The following STK17A variants were observed in gnomAD, a reference collection of about 807,000 sequenced individuals.
STK17A encodes serine/threonine kinase 17a.
Under a neutral mutation model 43.7 loss-of-function variants are expected in STK17A, and 26 were observed. The observed-to-expected ratio is 0.60, with a 90% CI of 0.44 to 0.83. The LOEUF is 0.83. STK17A is among the 40% of genes least tolerant of loss of function. The pLI, the probability that STK17A is intolerant of heterozygous loss-of-function variation, is 0.00. For synonymous variants in STK17A, 191 were observed against 182.5 expected (o/e 1.05, Z -0.38); for missense variants, 476 against 511.6 (o/e 0.93, Z 0.67).
At chr7:43,623,284 A>G (rs2084111561) in intron 4 of STK17A, 1 of 331,492 alleles carries the variant, frequency 3.0e-6, no homozygotes, top group Non-Finnish European at 5.5e-6. Flanking sequence ...ACAATGCTTA[A>G]TAACACAGAG....
intron 3 of STK17A, among the ~76,000 whole-genome samples, chr7:43,614,512 C>T (rs1337638104): frequency 6.6e-6 from 1 of 152,148 alleles, no homozygotes; most frequent in Non-Finnish European, 1.5e-5. Flanking sequence ...ATATATTTCA[C>T]CATCGAAGAA....
At chr7:43,622,423 A>C (rs2153017293) in intron 4 of STK17A, 1 of 152,308 alleles carries the variant, frequency 6.6e-6, no homozygotes, top group South Asian at 2.1e-4. Flanking sequence ...TTTTCATAGA[A>C]ATAGAACATT....
chr7:43,624,927 C>G lies in STK17A; in HGVS notation c.*85C>G. On this transcript the variant is annotated 3_prime_UTR_variant, in exon 7 of 7. Transcript: ENST00000319357. ...GACCTCTGGCCAAATGGTACATGTA[C>G]TGGAAGTGGATAACCAGTATCACTT... The G allele has an allele frequency of 8.3e-7, 1 of 1,206,270 alleles. No individual in the cohort carries two copies. 74.7% of individuals were successfully genotyped at this position (1,206,270 alleles called of 1,614,324 possible).
At chr7:43,599,350 A>T (rs1317643985) in intron 2 of STK17A, among the ~76,000 whole-genome samples, 1 of 152,194 alleles carries the variant, frequency 6.6e-6, no homozygotes, top group African/African-American at 2.4e-5. Flanking sequence ...CTGCACTTGT[A>T]TTTGGACAGT....
chr7:43,605,015 A>G (rs935723063), intron 2 of STK17A, among the ~76,000 whole-genome samples: 1 of 152,166 alleles, frequency 6.6e-6, no homozygotes, highest in Non-Finnish European at 1.5e-5. Context: ...TTTTTCACCT[A>G]TGAAAGTTCC....
At position 43,601,430 on chromosome 7, in the gene STK17A, C is replaced by T. The variant is rs190066714; in HGVS notation, c.419+5317C>T. 2.1e-3 allele frequency among the ~76,000 whole-genome samples: 317 copies of T among 152,202 alleles called. 1 individual carries two copies. The highest frequency in any genetic ancestry group is 6.5e-3 in the Admixed American group (99 of 15,278). ...AGTTTAGGAATCTCATATGGGAGCC[C>T]GCTGCTTACCAAGGATTTGTTTTTT... On this transcript the variant is annotated intron_variant, in intron 2 of 6. Coordinates refer to ENST00000319357, the MANE Select transcript of STK17A (RefSeq NM_004760.3).
At chr7:43,619,519 AAT>A (rs2083655889) in intron 3 of STK17A, 76 bp from the exon 4 acceptor site, 1 of 1,519,816 alleles carries the variant, frequency 6.6e-7, no homozygotes, top group Non-Finnish European at 8.9e-7. Context: ...TCATAGGTGA[AAT>A]ATGTTTTATG....
At chr7:43,594,004 A>C (rs1469246265) in intron 1 of STK17A, among the ~76,000 whole-genome samples, 1 of 152,226 alleles carries the variant, frequency 6.6e-6, no homozygotes, top group Non-Finnish European at 1.5e-5. Context: ...AGGAGCAACA[A>C]AAATAATAAT....
rs753056472 is a variant in STK17A, at chr7:43,624,774, G to C, written c.1177G>C (p.Ala393Pro). 3 of 1,612,738 alleles carry C rather than the reference G, an allele frequency of 1.9e-6. No homozygotes were observed. Among genetic ancestry groups the C allele is most frequent in the Non-Finnish European group, 2.5e-6 (3 of 1,179,224 alleles). ...QSEKEKMEQK[A>P]ISKRFKFEEP... Reference sequence around the variant, plus strand: ...TGAAAAAGAGAAAATGGAGCAAAAGGCCATTTCCAAACGATTTAAATTTGA... The same window carrying C: ...TGAAAAAGAGAAAATGGAGCAAAAGCCCATTTCCAAACGATTTAAATTTGA... The change falls in exon 7 of 7, where the codon GCC becomes CCC. Residue 393 changes from alanine to proline, a missense_variant. Physicochemically the swap from Ala to Pro is conservative, Grantham distance 27. Coordinates refer to ENST00000319357, the MANE Select transcript of STK17A (RefSeq NM_004760.3).
At chr7:43,598,786 C>T (rs923100593) in intron 2 of STK17A, among the ~76,000 whole-genome samples, 13 of 150,200 alleles carry the variant, frequency 8.7e-5, no homozygotes, top group Non-Finnish European at 1.8e-4. Context: ...TTTTTTGAGA[C>T]GGAGTCTTCC....
Position 43,623,308 on chromosome 7 carries a change from G to A in STK17A, c.692-264G>A, listed in dbSNP as rs28560173. ...AATAACACAGAGATTGTCAGTTTAT[G>A]TTTGGTGTTTTTAAAATATTTAAAT... is the stretch of plus-strand genomic sequence containing the variant. On this transcript the variant is annotated intron_variant, in intron 4 of 6. Coordinates refer to ENST00000319357, the MANE Select transcript of STK17A (RefSeq NM_004760.3). 8.5e-3 allele frequency: 3,253 copies of A among 381,366 alleles called. 106 individuals are homozygous for A. Among genetic ancestry groups the A allele is most frequent in the African/African-American group, 0.064 (2,996 of 46,762 alleles). The allele number at this position is 381,366 out of a possible 1,614,324, so 23.6% of individuals were successfully genotyped here. A position where few individuals can be genotyped will look rare whatever the true frequency, so the allele number is the denominator to read the frequency against.
rs995261586 is a variant in STK17A, at chr7:43,586,139, AC to A, written c.206+2693del. ...CACGCTGATAAAGAACTTGGAGAAT[AC>A]CCGTGTTAATAGTTTAATGATGTGG... On this transcript the variant is annotated intron_variant, in intron 1 of 6. Transcript: ENST00000319357. 2.0e-5 allele frequency among the ~76,000 whole-genome samples: 3 copies of A among 151,562 alleles called. 1 individual carries two copies. The highest frequency in any genetic ancestry group is 4.4e-5 in the Non-Finnish European group (3 of 67,642).
intron 2 of STK17A, among the ~76,000 whole-genome samples, chr7:43,597,487 T>G (rs1330409966): frequency 1.3e-5 from 2 of 152,104 alleles, no homozygotes; most frequent in African/African-American, 2.4e-5. Context: ...GTTCAAGCGA[T>G]TCTCCTGCCT....
At chr7:43,609,731 C>T (rs1211733297) in intron 3 of STK17A, 4 of 152,232 alleles carry the variant, frequency 2.6e-5, no homozygotes, top group African/African-American at 9.6e-5. Flanking sequence ...GATGGCCTTA[C>T]TGGCCAGAGG....
chr7:43,625,039 C>A lies in STK17A; in HGVS notation c.*197C>A, dbSNP rs751047298. ...TGCCAACCAGGAGATTTAACAGGTA[C>A]AGTTACCCGTTTCAATGTTATTTTT... is the stretch of plus-strand genomic sequence containing the variant. On this transcript the variant is annotated 3_prime_UTR_variant, in exon 7 of 7. Transcript: ENST00000319357. 2.8e-5 allele frequency: 12 copies of A among 429,428 alleles called. No homozygotes were observed. In the Admixed American group the frequency reaches 2.9e-4, roughly 10 times the overall value. The allele number at this position is 429,428 out of a possible 1,614,324, so 26.6% of individuals were successfully genotyped here.
At chr7:43,621,151 G>T (rs1367976019) in intron 4 of STK17A, among the ~76,000 whole-genome samples, 1 of 152,164 alleles carries the variant, frequency 6.6e-6, no homozygotes, top group Non-Finnish European at 1.5e-5. Flanking sequence ...ATAATTCAGA[G>T]ATTTTTTAAA....
intron 3 of STK17A, among the ~76,000 whole-genome samples, chr7:43,610,021 A>G (rs2082708341): frequency 6.6e-6 from 1 of 152,256 alleles, no homozygotes; most frequent in Non-Finnish European, 1.5e-5. Flanking sequence ...GGCGAGGCTT[A>G]AACTTCAGGC....
intron 2 of STK17A, among the ~76,000 whole-genome samples, chr7:43,604,770 T>TCCTACC (rs1001232714): frequency 6.6e-6 from 1 of 152,174 alleles, no homozygotes; most frequent in Non-Finnish European, 1.5e-5. Flanking sequence ...TCTAATATTT[T>TCCTACC]CCTACCCCTA....
At chr7:43,584,646 G>A (rs1028823216) in intron 1 of STK17A, among the ~76,000 whole-genome samples, 1 of 151,090 alleles carries the variant, frequency 6.6e-6, no homozygotes, top group Non-Finnish European at 1.5e-5. Context: ...ACATATTAAG[G>A]TAACTTTTGG....
Sources: gnomAD v4.1 joint callset for allele counts (sites outside exome capture counted in the v4.1 genomes callset) on GRCh38, gnomAD v4.1.1 for gene constraint, MANE v1.5 for transcripts, NCBI Gene and HGNC (gene_info 2026-07-23, HGNC 2026-07-21) for gene names.